Variants in OR5H1 observed in about 807,000 individuals in gnomAD.
OR5H1 encodes the protein olfactory receptor family 5 subfamily H member 1, also known as olfactory receptor 5H1.
For synonymous variants in OR5H1, 124 were observed against 134.4 expected, an observed-to-expected ratio of 0.92 and a Z score of 0.54; for missense variants, 378 against 366.8, an observed-to-expected ratio of 1.03 and a Z score of -0.25.
intron 1 of OR5H1, among the ~76,000 whole-genome samples, chr3:98,131,581 T>G (rs1442883834): frequency 6.6e-6 from 1 of 152,002 alleles, no homozygotes; most frequent in African/African-American, 2.4e-5. Context: ...AGGACATATG[T>G]CCACCTTGTT....
At position 98,138,013 on chromosome 3, in the gene OR5H1, G is replaced by A. The variant is rs1477470512; in HGVS notation, c.*4374G>A. 1 of 151,940 alleles carries A rather than the reference G, an allele frequency of 6.6e-6. No individual in the cohort carries two copies. The highest frequency in any genetic ancestry group is 6.6e-5 in the Admixed American group (1 of 15,240). The allele number at this position is 151,940 out of a possible 1,614,324, so 9.4% of individuals were successfully genotyped here. On this transcript the variant is annotated 3_prime_UTR_variant, in exon 2 of 2. Transcript: ENST00000641874. ...CAGCACGTTTATGTCAGTGTAGCAG[G>A]ACGAGCCGTGGGCAAAACCCCTCAG...
rs1351279588 is a variant in OR5H1, at chr3:98,133,394, G to A, written c.697G>A (p.Gly233Ser). The A allele has an allele frequency of 6.2e-7, 1 of 1,613,120 alleles. No individual in the cohort carries two copies. Among genetic ancestry groups the A allele is most frequent in the Non-Finnish European group, 8.5e-7 (1 of 1,179,502 alleles). Residue 233 changes from glycine to serine, a missense_variant, in exon 2 of 2, where the codon GGT becomes AGT. Gly to Ser is a moderately conservative substitution (Grantham distance 56). Coordinates refer to ENST00000641874, the MANE Select transcript of OR5H1 (RefSeq NM_001005338.2). ...FAILKKKSDK[G>S]VRKAFSTCGA... The stretch of plus-strand genomic sequence containing the variant: ...AATCTTAAAAAAGAAATCTGATAAA[G>A]GTGTAAGGAAAGCCTTTTCCACCTG...
rs1345557941 is a variant in OR5H1 at position 98,134,857 on chromosome 3, C to T, written c.*1218C>T. ...TCCTTCTAACAGTCACTCACTTCCCCAAAATGGCTGTTAGATTGTTTTTTC... is the reference window on the plus strand; with the variant it reads ...TCCTTCTAACAGTCACTCACTTCCCTAAAATGGCTGTTAGATTGTTTTTTC... On this transcript the variant is annotated 3_prime_UTR_variant, in exon 2 of 2. Transcript: ENST00000641874. 6.6e-6 allele frequency: 1 copy of T among 152,036 alleles called. No individual in the cohort carries two copies. Among genetic ancestry groups the T allele is most frequent in the East Asian group, 1.9e-4 (1 of 5,188 alleles). The allele number at this position is 152,036 out of a possible 1,614,324, so 9.4% of individuals were successfully genotyped here. A position where few individuals can be genotyped will look rare whatever the true frequency, so the allele number is the denominator to read the frequency against.
rs1708309776 is a variant in OR5H1, at chr3:98,135,695, C to G, written c.*2056C>G. 2.0e-5 allele frequency: 3 copies of G among 152,240 alleles called. No individual in the cohort carries two copies. The East Asian group carries it at 5.8e-4, about 29-fold the overall frequency. The allele number at this position is 152,240 out of a possible 1,614,324, so 9.4% of individuals were successfully genotyped here. A position where few individuals can be genotyped will look rare whatever the true frequency, so the allele number is the denominator to read the frequency against. ...ACCAAGAAGATGACAATGACTATCA[C>G]AAACATAGTACCAAGGGACTGGGGT... On this transcript the variant is annotated 3_prime_UTR_variant, in exon 2 of 2. Transcript: ENST00000641874.
In OR5H1 at chr3:98,138,272, C is replaced by T. The variant is rs1490079882; in HGVS notation, c.*4633C>T. 2 of 152,182 alleles carry T rather than the reference C, an allele frequency of 1.3e-5. No individual in the cohort carries two copies. The highest frequency in any genetic ancestry group is 2.1e-4 in the South Asian group (1 of 4,824). The allele number at this position is 152,182 out of a possible 1,614,324, so 9.4% of individuals were successfully genotyped here. A position where few individuals can be genotyped will look rare whatever the true frequency, so the allele number is the denominator to read the frequency against. On this transcript the variant is annotated 3_prime_UTR_variant, in exon 2 of 2. Transcript: ENST00000641874. ...AACAGAACGGGAGGTTTCACAATGTCCTACCATACGATGTCTGGAATCTAT... is the reference window on the plus strand; with the variant it reads ...AACAGAACGGGAGGTTTCACAATGTTCTACCATACGATGTCTGGAATCTAT...
In OR5H1 at chr3:98,133,607, A is replaced by G; in HGVS notation, c.910A>G (p.Met304Val). The G allele has an allele frequency of 1.2e-6, 2 of 1,606,204 alleles. No homozygotes were observed. Among genetic ancestry groups the G allele is most frequent in the Non-Finnish European group, 8.5e-7 (1 of 1,177,132 alleles). ...GCAAGTCACAGTTTCATTCACAAAA[A>G]TGTTAAAAAAACATGTTAAGGTTTC... ...NKQVTVSFTKMLKKHVKVSY is the reference protein window; with the variant it reads ...NKQVTVSFTKVLKKHVKVSY Residue 304 changes from methionine to valine, a missense_variant, in exon 2 of 2, where the codon ATG (methionine) becomes GTG (valine). Transcript: ENST00000641874.
chr3:98,133,486 A>G lies in OR5H1; in HGVS notation c.789A>G (p.Ala263=). The change falls in exon 2 of 2, where the codon GCA becomes GCG. Residue 263 remains alanine, a synonymous_variant. Coordinates refer to ENST00000641874, the MANE Select transcript of OR5H1 (RefSeq NM_001005338.2). ...GPLLFIYVGP[A]SPQADDQDMV... The stretch of plus-strand genomic sequence containing the variant: ...TTCTCTTCATTTATGTGGGCCCTGC[A>G]TCTCCGCAAGCAGATGATCAAGATA... The G allele has an allele frequency of 6.2e-7, 1 of 1,613,540 alleles. No individual in the cohort carries two copies. The highest frequency in any genetic ancestry group is 2.2e-5 in the East Asian group (1 of 44,862).
At position 98,137,321 on chromosome 3, in the gene OR5H1, A is replaced by G. The variant is rs1435175055; in HGVS notation, c.*3682A>G. ...TGTTGTGTTTCTAACGTTATCAGAA[A>G]TCTTTACTTGTCAGAGCCTTTTCCG... On this transcript the variant is annotated 3_prime_UTR_variant, in exon 2 of 2. Transcript: ENST00000641874. 6.6e-6 allele frequency: 1 copy of G among 152,200 alleles called. No individual in the cohort carries two copies. The highest frequency in any genetic ancestry group is 1.5e-5 in the Non-Finnish European group (1 of 68,022). The allele number at this position is 152,200 out of a possible 1,614,324, so 9.4% of individuals were successfully genotyped here. A position where few individuals can be genotyped will look rare whatever the true frequency, so the allele number is the denominator to read the frequency against.
In OR5H1 at chr3:98,137,265, T is replaced by G. The variant is rs769442709; in HGVS notation, c.*3626T>G. On this transcript the variant is annotated 3_prime_UTR_variant, in exon 2 of 2. Coordinates refer to ENST00000641874, the MANE Select transcript of OR5H1 (RefSeq NM_001005338.2). ...TTACAAAAGGTATACTTGGCCAGATTGTTTGCAAAGTTTCTTTAATTCTGG... is the reference window on the plus strand; with the variant it reads ...TTACAAAAGGTATACTTGGCCAGATGGTTTGCAAAGTTTCTTTAATTCTGG... 6.6e-6 allele frequency: 1 copy of G among 152,228 alleles called. No homozygotes were observed. The highest frequency in any genetic ancestry group is 6.5e-5 in the Admixed American group (1 of 15,280). The allele number at this position is 152,228 out of a possible 1,614,324, so 9.4% of individuals were successfully genotyped here. A position where few individuals can be genotyped will look rare whatever the true frequency, so the allele number is the denominator to read the frequency against.
At position 98,133,656 on chromosome 3, in the gene OR5H1, A is replaced by G; in HGVS notation, c.*17A>G. The G allele has an allele frequency of 6.4e-7, 1 of 1,565,244 alleles. No homozygotes were observed. Among genetic ancestry groups the G allele is most frequent in the Non-Finnish European group, 8.7e-7 (1 of 1,151,688 alleles). ...TCATACTAATATCCTTTCTCTAATTACAAAAATAGTCACAAAATTATGCAA... is the reference window on the plus strand; with the variant it reads ...TCATACTAATATCCTTTCTCTAATTGCAAAAATAGTCACAAAATTATGCAA... On this transcript the variant is annotated 3_prime_UTR_variant, in exon 2 of 2. Coordinates refer to ENST00000641874, the MANE Select transcript of OR5H1 (RefSeq NM_001005338.2).
rs909451408 is a variant in OR5H1, at chr3:98,137,735, A to G, written c.*4096A>G. 1.3e-5 allele frequency: 2 copies of G among 152,238 alleles called. No homozygotes were observed. Among genetic ancestry groups the G allele is most frequent in the Non-Finnish European group, 2.9e-5 (2 of 68,038 alleles). 9.4% of individuals were successfully genotyped at this position (152,238 alleles called of 1,614,324 possible). A position where few individuals can be genotyped will look rare whatever the true frequency, so the allele number is the denominator to read the frequency against. ...TGTTTGGAAATAATCCAGATATTCA[A>G]TGACTATTGATAATTTAATCAACTG... On this transcript the variant is annotated 3_prime_UTR_variant, in exon 2 of 2. Transcript: ENST00000641874.
In OR5H1 at chr3:98,133,074, T is replaced by C. The variant is rs1225018843; in HGVS notation, c.377T>C (p.Ile126Thr). ...ATGGCATATGATCGCTATGTAGCCA[T>C]ATGCAAACCTTTACTTTATCCAGCC... ...ATMAYDRYVA[I>T]CKPLLYPAIM... The change falls in exon 2 of 2, where the codon ATA becomes ACA. Residue 126 changes from isoleucine (I) to threonine (T), a missense_variant. By Grantham distance (89) the Ile-to-Thr change is moderately conservative. Transcript: ENST00000641874. 6.2e-7 allele frequency: 1 copy of C among 1,613,536 alleles called. No homozygotes were observed. The highest frequency in any genetic ancestry group is 8.5e-7 in the Non-Finnish European group (1 of 1,179,700).
chr3:98,135,253 T>C lies in OR5H1; in HGVS notation c.*1614T>C, dbSNP rs530606175. ...GGTTAAAGTGGAGCAGTAGTGTTAT[T>C]TTGATCATTCCAGTGGAAAATTCCT... On this transcript the variant is annotated 3_prime_UTR_variant, in exon 2 of 2. Transcript: ENST00000641874. 2.0e-5 allele frequency: 3 copies of C among 152,218 alleles called. No individual in the cohort carries two copies. In the South Asian group the frequency reaches 6.2e-4, roughly 32 times the overall value. 9.4% of individuals were successfully genotyped at this position (152,218 alleles called of 1,614,324 possible). A position where few individuals can be genotyped will look rare whatever the true frequency, so the allele number is the denominator to read the frequency against.
rs548632633 is a variant in OR5H1, at chr3:98,133,747, T to C, written c.*108T>C. The C allele has an allele frequency of 1.4e-5, 12 of 833,266 alleles. No homozygotes were observed. The highest frequency in any genetic ancestry group is 1.2e-4 in the South Asian group (8 of 64,262). The allele number at this position is 833,266 out of a possible 1,614,324, so 51.6% of individuals were successfully genotyped here. A position where few individuals can be genotyped will look rare whatever the true frequency, so the allele number is the denominator to read the frequency against. ...TGCAAGTACAACTGTTCTAGCACTT[T>C]AGTGAGCTAATGTTTTAGTACCTAA... is the stretch of plus-strand genomic sequence containing the variant. On this transcript the variant is annotated 3_prime_UTR_variant, in exon 2 of 2. Transcript: ENST00000641874.
rs1708299855 is a variant in OR5H1, at chr3:98,134,655, A to G, written c.*1016A>G. 1 of 152,104 alleles carries G rather than the reference A, an allele frequency of 6.6e-6. No individual in the cohort carries two copies. The highest frequency in any genetic ancestry group is 6.6e-5 in the Admixed American group (1 of 15,258). 9.4% of individuals were successfully genotyped at this position (152,104 alleles called of 1,614,324 possible). On this transcript the variant is annotated 3_prime_UTR_variant, in exon 2 of 2. Transcript: ENST00000641874. The stretch of plus-strand genomic sequence containing the variant: ...TTGCCTCGGAAAGTCATTGATTGTT[A>G]ACCTTCTTAACACTTCTTGTACTTC...
Position 98,137,092 on chromosome 3 carries a change from T to C in OR5H1, c.*3453T>C, listed in dbSNP as rs574417663. 2.6e-5 allele frequency: 4 copies of C among 152,312 alleles called. No homozygotes were observed. The East Asian group carries it at 7.7e-4, about 29-fold the overall frequency. 9.4% of individuals were successfully genotyped at this position (152,312 alleles called of 1,614,324 possible). A position where few individuals can be genotyped will look rare whatever the true frequency, so the allele number is the denominator to read the frequency against. On this transcript the variant is annotated 3_prime_UTR_variant, in exon 2 of 2. Transcript: ENST00000641874. ...CATTCCAGTCACAGTAGTGGTAATA[T>C]AACCATAATTATGTTATATTGTAAT... is the stretch of plus-strand genomic sequence containing the variant.
chr3:98,134,722 A>G lies in OR5H1; in HGVS notation c.*1083A>G, dbSNP rs1256497873. The G allele has an allele frequency of 1.3e-5, 2 of 152,040 alleles. No individual in the cohort carries two copies. The highest frequency in any genetic ancestry group is 2.9e-5 in the Non-Finnish European group (2 of 67,968). The allele number at this position is 152,040 out of a possible 1,614,324, so 9.4% of individuals were successfully genotyped here. A position where few individuals can be genotyped will look rare whatever the true frequency, so the allele number is the denominator to read the frequency against. ...TTTCTACCAGTCCACCCTCTCCTTC[A>G]TCTTTCAATACTGAAATTCCTTTCA... On this transcript the variant is annotated 3_prime_UTR_variant, in exon 2 of 2. Coordinates refer to ENST00000641874, the MANE Select transcript of OR5H1 (RefSeq NM_001005338.2).
chr3:98,133,256 A>G lies in OR5H1; in HGVS notation c.559A>G (p.Ile187Val), dbSNP rs748265810. 5.6e-6 allele frequency: 9 copies of G among 1,611,910 alleles called. No homozygotes were observed. The highest frequency in any genetic ancestry group is 7.6e-6 in the Non-Finnish European group (9 of 1,178,564). Reference sequence around the variant, plus strand: ...CTGTGACACTATCCCATTGTCTAAGATTTCTTGTACTGATTCTTCTATTAA... The same window carrying G: ...CTGTGACACTATCCCATTGTCTAAGGTTTCTTGTACTGATTCTTCTATTAA... Reference protein sequence around the residue: ...IYCDTIPLSKISCTDSSINFL... With the variant: ...IYCDTIPLSKVSCTDSSINFL... Residue 187 changes from isoleucine to valine, a missense_variant, in exon 2 of 2, where the codon ATT (isoleucine) becomes GTT (valine). Ile to Val is a conservative substitution (Grantham distance 29, BLOSUM62 3). Coordinates refer to ENST00000641874, the MANE Select transcript of OR5H1 (RefSeq NM_001005338.2).
chr3:98,132,631 G>C (rs4857328), intron 1 of OR5H1, 49 bp from the exon 2 acceptor site: 889,718 of 1,583,858 alleles, frequency 0.56, 252,783 homozygotes, highest in African/African-American at 0.8. Flanking sequence ...AATTTCAACT[G>C]ATAATGCCAT....
Sources: allele counts gnomAD v4.1 joint callset (sites outside exome capture counted in the v4.1 genomes callset), GRCh38; gene constraint gnomAD v4.1.1; transcripts MANE v1.5; gene names NCBI Gene and HGNC (gene_info 2026-07-23, HGNC 2026-07-21).